RBM19: variants seen among roughly 807,000 people sequenced by gnomAD.
The protein encoded by RBM19 is probable RNA-binding protein 19.
RBM19 carries 94 observed loss-of-function variants against 116.8 expected under a neutral mutation model. That is an observed-to-expected ratio of 0.80 (90% CI 0.68 to 0.95). The LOEUF (loss-of-function observed/expected upper bound fraction) is 0.95. Ranked by LOEUF, RBM19 falls within the 40% of genes least tolerant of loss-of-function variation. RBM19 has a pLI of 0.00. For missense variants in RBM19, 1,161 were observed against 1,220.7 expected, an observed-to-expected ratio of 0.95 and a Z score of 0.73; for synonymous variants, 475 against 494.1, an observed-to-expected ratio of 0.96 and a Z score of 0.51.
chr12:113,944,121 GCAGACTCTC>G (rs1179755424), intron 13 of RBM19, among the ~76,000 whole-genome samples: 2 of 90,392 alleles, frequency 2.2e-5, no homozygotes, highest in Non-Finnish European at 4.2e-5. Context: ...TTTTTTTGGG[GCAGACTCTC>G]GCTCTGTCAC....
chr12:113,938,266 G>A (rs1870244764), intron 15 of RBM19, among the ~76,000 whole-genome samples: 1 of 152,128 alleles, frequency 6.6e-6, no homozygotes, highest in Non-Finnish European at 1.5e-5. Context: ...GCCCCACCTA[G>A]ATAATTTTTC....
At chr12:113,828,346 T>C (rs1875061215) in intron 23 of RBM19, among the ~76,000 whole-genome samples, 1 of 152,158 alleles carries the variant, frequency 6.6e-6, no homozygotes, top group Non-Finnish European at 1.5e-5. Flanking sequence ...GATGAGGCTG[T>C]GCACTAGCTG....
At chr12:113,870,986 T>C (rs1879165541) in intron 21 of RBM19, among the ~76,000 whole-genome samples, 1 of 152,168 alleles carries the variant, frequency 6.6e-6, no homozygotes, top group Non-Finnish European at 1.5e-5. Flanking sequence ...GGCCCCTGCA[T>C]ATGGTTCAGT....
chr12:113,826,845 G>A (rs528845735), intron 23 of RBM19, among the ~76,000 whole-genome samples: 1 of 152,306 alleles, frequency 6.6e-6, no homozygotes, highest in Non-Finnish European at 1.5e-5. Flanking sequence ...CTCATGGGGC[G>A]GGGGCTCTTA....
In RBM19 at chr12:113,939,487, C is replaced by T. The variant is rs1443979753; in HGVS notation, c.1938+473G>A. Among the ~76,000 whole-genome samples, 6 of 152,234 alleles carry T rather than the reference C, an allele frequency of 3.9e-5. No individual in the cohort carries two copies. The Middle Eastern group carries it at 0.01, about 259-fold the overall frequency. On this transcript the variant is annotated intron_variant, in intron 15 of 23. Coordinates refer to ENST00000261741, the MANE Select transcript of RBM19 (RefSeq NM_016196.4). ...TCTCCCGGCCCGGCGCAGTGGCTCA[C>T]GCCTGTAATCCCAGCACTTTGGGAG...
At chr12:113,844,563 G>T in intron 23 of RBM19, 105 bp downstream of exon 23, 1 of 1,423,636 alleles carries the variant, frequency 7.0e-7, no homozygotes. Flanking sequence ...CAGCCCTTGT[G>T]CCCATAGCCT....
chr12:113,922,834 A>G (rs10774722), intron 18 of RBM19, among the ~76,000 whole-genome samples: 71,765 of 151,908 alleles, frequency 0.47, 18,225 homozygotes, highest in East Asian at 0.73. Flanking sequence ...GAGGTAACCA[A>G]GTTAAAATGA....
intron 16 of RBM19, among the ~76,000 whole-genome samples, chr12:113,931,879 CCCTGT>C (rs1163757031): frequency 2.6e-5 from 4 of 152,218 alleles, no homozygotes; most frequent in Non-Finnish European, 5.9e-5. Flanking sequence ...CTTTTCAGAG[CCCTGT>C]CCTATTCCAT....
At chr12:113,941,552 C>CCATCCATCCATCCATCCATCCATCCAT (rs1870568150) in intron 14 of RBM19, among the ~76,000 whole-genome samples, 4 of 151,344 alleles carry the variant, frequency 2.6e-5, no homozygotes, top group African/African-American at 9.8e-5. Context: ...CATCTATCTA[C>CCATCCATCCATCCATCCATCCATCCAT]CCATCCATCC....
At chr12:113,942,190 C>A in intron 14 of RBM19, 134 bp downstream of exon 14, 2 of 783,654 alleles carry the variant, frequency 2.6e-6, no homozygotes, top group Non-Finnish European at 4.0e-6. Flanking sequence ...TTCTTCTTTT[C>A]TTTAGAGACA....
At chr12:113,931,106 AATT>A (rs1183790561) in intron 16 of RBM19, among the ~76,000 whole-genome samples, 14 of 152,348 alleles carry the variant, frequency 9.2e-5, no homozygotes, top group African/African-American at 2.4e-4. Context: ...ATAATGTAAT[AATT>A]ATGACGAAGA....
intron 21 of RBM19, among the ~76,000 whole-genome samples, chr12:113,893,838 T>A (rs889746253): frequency 1.3e-5 from 2 of 152,260 alleles, no homozygotes; most frequent in African/African-American, 4.8e-5. Context: ...TCAGTCACAC[T>A]TGCCAGATTT....
chr12:113,958,154 T>C (rs73401073), intron 5 of RBM19, 104 bp from the exon 6 acceptor site: 71,055 of 1,506,678 alleles, frequency 0.047, 6,882 homozygotes, highest in African/African-American at 0.36. Context: ...TGAGGCACCA[T>C]GCCCACCGTG....
At chr12:113,909,314 T>C (rs1041959904) in intron 21 of RBM19, among the ~76,000 whole-genome samples, 9 of 151,880 alleles carry the variant, frequency 5.9e-5, no homozygotes, top group Non-Finnish European at 1.0e-4. Context: ...AGAGATGGGG[T>C]CTTGCTATGT....
At chr12:113,912,938 C>CT (rs1882536939) in intron 21 of RBM19, among the ~76,000 whole-genome samples, 1 of 152,052 alleles carries the variant, frequency 6.6e-6, no homozygotes, top group Admixed American at 6.5e-5. Flanking sequence ...CCGGAGTGAA[C>CT]AACAATAGCA....
chr12:113,859,711 T>C (rs1484922036), intron 21 of RBM19, among the ~76,000 whole-genome samples: 2 of 152,150 alleles, frequency 1.3e-5, no homozygotes, highest in African/African-American at 4.8e-5. Flanking sequence ...ACTTCCCACC[T>C]CCCAATCCCT....
At chr12:113,919,387 C>T (rs1258028295) in intron 19 of RBM19, among the ~76,000 whole-genome samples, 3 of 152,130 alleles carry the variant, frequency 2.0e-5, no homozygotes, top group African/African-American at 4.8e-5. Context: ...CTGGCTAACA[C>T]GGTGAAACCC....
At chr12:113,913,649 C>T (rs1360263374) in intron 21 of RBM19, among the ~76,000 whole-genome samples, 2 of 152,228 alleles carry the variant, frequency 1.3e-5, no homozygotes, top group East Asian at 1.9e-4. Context: ...AGATGCCACA[C>T]AAAGATAATT....
chr12:113,910,462 C>T (rs550074487), intron 21 of RBM19, among the ~76,000 whole-genome samples: 87 of 152,328 alleles, frequency 5.7e-4, no homozygotes, highest in Non-Finnish European at 7.6e-4. Context: ...AAGATGGTGA[C>T]AGCAGTGCAT....
Sources: allele counts gnomAD v4.1 joint callset (sites outside exome capture counted in the v4.1 genomes callset), GRCh38; gene constraint gnomAD v4.1.1; transcripts MANE v1.5; gene names NCBI Gene and HGNC (gene_info 2026-07-23, HGNC 2026-07-21).